Variants in SHROOM2 observed in about 807,000 individuals in gnomAD.
The protein encoded by SHROOM2 is protein Shroom2.
Under a neutral mutation model 75.9 loss-of-function variants are expected in SHROOM2, and 33 were observed. That is an observed-to-expected ratio of 0.43 (90% CI 0.33 to 0.58). The LOEUF is 0.58. Among genes scored for constraint, SHROOM2 ranks in the 20% least tolerant of loss-of-function variants. SHROOM2 has a pLI of 0.04. For missense variants in SHROOM2, 1,434 were observed against 1,461.2 expected (o/e 0.98, Z 0.30); for synonymous variants, 655 against 663.6 (o/e 0.99, Z 0.20).
At position 9,861,270 on chromosome X, in the gene SHROOM2, G is replaced by A. The variant is rs113370663; in HGVS notation, c.166-12382G>A. ...TAGCCTTGAACTCCTGGGCTGAAGT[G>A]GTCCTCCTGCCTCAGCCTCCCAGGT... On this transcript the variant is annotated intron_variant, in intron 1 of 9. Transcript: ENST00000380913. 7.7e-3 allele frequency among the ~76,000 whole-genome samples: 860 copies of A among 111,907 alleles called. 6 individuals carry two copies. The highest frequency in any genetic ancestry group is 0.025 in the African/African-American group (771 of 30,765).
intron 5 of SHROOM2, among the ~76,000 whole-genome samples, chrX:9,913,924 C>T (rs1343935240): frequency 8.9e-6 from 1 of 111,830 alleles, no homozygotes; most frequent in South Asian, 3.7e-4. Flanking sequence ...TCATACTCTA[C>T]AAGTATTTCT....
At chrX:9,809,700 G>A (rs1021726065) in intron 1 of SHROOM2, among the ~76,000 whole-genome samples, 5 of 112,296 alleles carry the variant, frequency 4.5e-5, no homozygotes, top group Non-Finnish European at 9.4e-5. Context: ...ACAGAGTCTC[G>A]CTCTGTTGCC....
At chrX:9,942,404 T>C (rs2084780150) in intron 8 of SHROOM2, among the ~76,000 whole-genome samples, 1 of 110,878 alleles carries the variant, frequency 9.0e-6, no homozygotes, top group African/African-American at 3.3e-5. Context: ...TAGCGTCTCA[T>C]CCCACGGGTT....
Position 9,937,547 on chromosome X carries a change from T to C in SHROOM2, c.4001T>C (p.Leu1334Pro). The change falls in exon 7 of 10, where the codon CTG (leucine) becomes CCG (proline). Residue 1334 changes from leucine to proline, a missense_variant. This residue lies in a region of SHROOM2 where 1,340 missense variants were observed against 1,338.3 expected (regional missense o/e 1.00). Transcript: ENST00000380913. Reference protein sequence around the residue: ...VGKDKSLADILDPSVKIKTTM... With the variant: ...VGKDKSLADIPDPSVKIKTTM... ...AAGGATAAGTCCCTGGCCGACATCC[T>C]GGATCCCAGTGTGAAGATCAAAACC... 8.3e-7 allele frequency: 1 copy of C among 1,211,894 alleles called. No individual in the cohort carries two copies. Among genetic ancestry groups the C allele is most frequent in the Non-Finnish European group, 1.1e-6 (1 of 895,536 alleles).
At chrX:9,906,418 A>C (rs1296340451) in intron 5 of SHROOM2, among the ~76,000 whole-genome samples, 1 of 112,420 alleles carries the variant, frequency 8.9e-6, no homozygotes, top group African/African-American at 3.2e-5. Flanking sequence ...TTCAAAGGGC[A>C]CATTTTATGA....
Position 9,896,545 on chromosome X carries a change from T to G in SHROOM2, c.2637T>G (p.Ser879=), listed in dbSNP as rs1321449563. Residue 879 remains serine (S), a synonymous_variant, in exon 4 of 10, where the codon TCT becomes TCG. Transcript: ENST00000380913. Reference sequence around the variant, plus strand: ...GCACCTTTGCAGAGTATCAGGCCTCTTGGAAGGAACAGAGGAAACCTCTGG... The same window carrying G: ...GCACCTTTGCAGAGTATCAGGCCTCGTGGAAGGAACAGAGGAAACCTCTGG... ...RLGTFAEYQA[S]WKEQRKPLEA... is the part of the protein sequence containing the mutation. 4.1e-6 allele frequency: 5 copies of G among 1,210,852 alleles called. No individual in the cohort carries two copies. The highest frequency in any genetic ancestry group is 5.6e-6 in the Non-Finnish European group (5 of 895,182).
intron 1 of SHROOM2, among the ~76,000 whole-genome samples, chrX:9,868,694 C>G (rs374603088): frequency 2.0e-5 from 2 of 101,024 alleles, no homozygotes; most frequent in South Asian, 5.0e-4. Flanking sequence ...TCCTGAGTAG[C>G]TGGGTGCCAC....
intron 1 of SHROOM2, among the ~76,000 whole-genome samples, chrX:9,864,628 C>CT (rs1338833128): frequency 8.5e-5 from 9 of 106,187 alleles, no homozygotes; most frequent in African/African-American, 2.8e-4. Flanking sequence ...ACCATCCCGG[C>CT]TAAAAAAAAA....
intron 3 of SHROOM2, among the ~76,000 whole-genome samples, chrX:9,891,493 A>G (rs2084291981): frequency 8.9e-6 from 1 of 112,488 alleles, no homozygotes; most frequent in African/African-American, 3.2e-5. Context: ...AAAAGCTCCC[A>G]AGAGGTTCTT....
chrX:9,815,797 C>T (rs1478919483), intron 1 of SHROOM2, among the ~76,000 whole-genome samples: 2 of 110,373 alleles, frequency 1.8e-5, no homozygotes, highest in African/African-American at 6.6e-5. Flanking sequence ...CTCCTTTTCA[C>T]GTCTTTCTGT....
intron 1 of SHROOM2, among the ~76,000 whole-genome samples, chrX:9,859,827 C>G (rs944386739): frequency 6.3e-5 from 7 of 111,112 alleles, no homozygotes; most frequent in Admixed American, 2.9e-4. Context: ...CCCTCCCTCC[C>G]CCTCACCTGA....
intron 1 of SHROOM2, among the ~76,000 whole-genome samples, chrX:9,829,580 A>T (rs1198911602): frequency 8.9e-6 from 1 of 112,117 alleles, no homozygotes; most frequent in Non-Finnish European, 1.9e-5. Flanking sequence ...TGGCAGGGAC[A>T]CATTGAGATT....
At chrX:9,938,125 G>C (rs1027791572) in intron 7 of SHROOM2, among the ~76,000 whole-genome samples, 1 of 111,686 alleles carries the variant, frequency 9.0e-6, no homozygotes, top group Non-Finnish European at 1.9e-5. Flanking sequence ...CCCCCACAGA[G>C]AGTCATCCAG....
Position 9,894,839 on chromosome X carries a change from C to G in SHROOM2, c.931C>G (p.Pro311Ala), listed in dbSNP as rs1384200600. The G allele has an allele frequency of 8.3e-7, 1 of 1,210,407 alleles. No individual in the cohort carries two copies. Residue 311 changes from proline to alanine, a missense_variant, in exon 4 of 10, where the codon CCA becomes GCA. Pro to Ala is a conservative substitution (Grantham distance 27, BLOSUM62 -1). Coordinates refer to ENST00000380913, the MANE Select transcript of SHROOM2 (RefSeq NM_001649.4). ...GTATGTTCCCGATAAGAAGAAAGCA[C>G]CATCATCCCCACCTCCTCCCCCTCC... ...VWYVPDKKKAPSSPPPPPPPL... is the reference protein window; with the variant it reads ...VWYVPDKKKAASSPPPPPPPL...
intron 1 of SHROOM2, among the ~76,000 whole-genome samples, chrX:9,799,801 C>T (rs1048781309): frequency 9.0e-6 from 1 of 110,683 alleles, no homozygotes; most frequent in Non-Finnish European, 1.9e-5. Flanking sequence ...ATGCTCATAT[C>T]TATATGTGCA....
rs780066660 is a variant in SHROOM2, at chrX:9,944,893, G to T, written c.4564G>T (p.Gly1522Cys). The change falls in exon 9 of 10, where the codon GGC becomes TGC. Residue 1522 changes from glycine to cysteine, a missense_variant. Physicochemically the swap from Gly to Cys is radical, Grantham distance 159 (BLOSUM62 -3). Coordinates refer to ENST00000380913, the MANE Select transcript of SHROOM2 (RefSeq NM_001649.4). ...GAATGCCCTCAATAATTTGGACGAC[G>T]GCGCTTCTCCCGGTGATCGGGTAAA... ...VENALNNLDD[G>C]ASPGDRQSLL... 8.3e-7 allele frequency: 1 copy of T among 1,205,508 alleles called. No homozygotes were observed.
chrX:9,938,863 A>G (rs1321337395), intron 7 of SHROOM2, among the ~76,000 whole-genome samples: 1 of 111,664 alleles, frequency 9.0e-6, no homozygotes, highest in Admixed American at 9.5e-5. Context: ...AGCGTCACAC[A>G]TGTCCTTGTC....
intron 1 of SHROOM2, among the ~76,000 whole-genome samples, chrX:9,856,995 G>A (rs942129655): frequency 3.6e-5 from 4 of 112,327 alleles, no homozygotes; most frequent in African/African-American, 9.7e-5. Flanking sequence ...GGCTGCCAGG[G>A]ATCCTCTGAT....
intron 1 of SHROOM2, among the ~76,000 whole-genome samples, chrX:9,793,359 G>A (rs772438702): frequency 9.3e-6 from 1 of 107,130 alleles, no homozygotes; most frequent in Non-Finnish European, 1.9e-5. Flanking sequence ...GCATGATCTC[G>A]GCTCACTGCA....
Sources: gnomAD v4.1 joint callset for allele counts (sites outside exome capture counted in the v4.1 genomes callset) on GRCh38, gnomAD v4.1.1 for gene constraint, gnomAD v4.1.1 regional missense constraint, MANE v1.5 for transcripts, NCBI Gene and HGNC (gene_info 2026-07-23, HGNC 2026-07-21) for gene names.